SPOCK1: variants seen among roughly 807,000 people sequenced by gnomAD.
SPOCK1 encodes SPARC (osteonectin), cwcv and kazal like domains proteoglycan 1.
SPOCK1 carries 23 observed loss-of-function variants against 55.3 expected under a neutral mutation model. That is an observed-to-expected ratio of 0.42 (90% CI 0.30 to 0.59). The LOEUF (loss-of-function observed/expected upper bound fraction) is 0.59, where lower values mean the gene tolerates loss of function less well. SPOCK1 is among the 20% of genes least tolerant of loss of function. SPOCK1 has a pLI of 0.22. For missense variants in SPOCK1, 499 were observed against 552.5 expected, an observed-to-expected ratio of 0.90 and a Z score of 0.97; for synonymous variants, 226 against 221.0, an observed-to-expected ratio of 1.02 and a Z score of -0.20.
At chr5:137,442,654 C>T (rs1312785465) in intron 2 of SPOCK1, among the ~76,000 whole-genome samples, 1 of 152,188 alleles carries the variant, frequency 6.6e-6, no homozygotes, top group African/African-American at 2.4e-5. Context: ...ACAATTCTAA[C>T]ACCACTACCT....
At chr5:137,188,817 C>T (rs984309165) in intron 3 of SPOCK1, among the ~76,000 whole-genome samples, 23 of 152,330 alleles carry the variant, frequency 1.5e-4, no homozygotes, top group African/African-American at 5.3e-4. Flanking sequence ...TTGTGCCAAA[C>T]ATTTAGCCAA....
At chr5:137,157,605 A>G (rs1367427693) in intron 3 of SPOCK1, among the ~76,000 whole-genome samples, 1 of 152,142 alleles carries the variant, frequency 6.6e-6, no homozygotes, top group East Asian at 1.9e-4. Context: ...GCAAGTGAGG[A>G]AGGCTTCTAC....
intron 3 of SPOCK1, among the ~76,000 whole-genome samples, chr5:137,253,771 G>A (rs568770731): frequency 6.6e-6 from 1 of 152,214 alleles, no homozygotes; most frequent in African/African-American, 2.4e-5. Context: ...CTAATTCTAG[G>A]GCTACCCTAT....
At chr5:137,229,749 G>A (rs942647582) in intron 3 of SPOCK1, among the ~76,000 whole-genome samples, 1 of 152,152 alleles carries the variant, frequency 6.6e-6, no homozygotes, top group Non-Finnish European at 1.5e-5. Context: ...GGTGCACAGA[G>A]ATGGTTTCAG....
intron 4 of SPOCK1, among the ~76,000 whole-genome samples, chr5:137,138,704 C>G (rs983699058): frequency 4.7e-4 from 6 of 12,800 alleles, no homozygotes; most frequent in South Asian, 1.5e-3. Context: ...AATAATAACC[C>G]CCCCCCCCCA....
chr5:137,065,138 G>T (rs1561596294), intron 6 of SPOCK1, among the ~76,000 whole-genome samples: 1 of 145,064 alleles, frequency 6.9e-6, no homozygotes, highest in Non-Finnish European at 1.5e-5. Flanking sequence ...TGAGGCAGGG[G>T]AATTGCTTGA....
intron 6 of SPOCK1, among the ~76,000 whole-genome samples, chr5:137,028,067 T>C (rs906641946): frequency 6.6e-6 from 1 of 152,186 alleles, no homozygotes; most frequent in Non-Finnish European, 1.5e-5. Flanking sequence ...ATTTTCCACC[T>C]TGGGGTACCC....
chr5:137,160,593 A>ATTATATATTATATATTATATATAAT (rs1554100836), intron 3 of SPOCK1, among the ~76,000 whole-genome samples: 6 of 71,054 alleles, frequency 8.4e-5, no homozygotes, highest in African/African-American at 1.7e-4. Flanking sequence ...TATAATATAT[A>ATTATATATTATATATTATATATAAT]ATATATTATA....
At chr5:137,105,788 C>T (rs1753352537) in intron 5 of SPOCK1, among the ~76,000 whole-genome samples, 2 of 152,248 alleles carry the variant, frequency 1.3e-5, no homozygotes, top group Non-Finnish European at 2.9e-5. Flanking sequence ...CAGTTCTTAA[C>T]TCTGCGTCTC....
At chr5:137,172,726 C>A (rs899419539) in intron 3 of SPOCK1, among the ~76,000 whole-genome samples, 3 of 152,106 alleles carry the variant, frequency 2.0e-5, no homozygotes, top group African/African-American at 7.2e-5. Context: ...CCCAGGGACA[C>A]CCAATCTGTG....
At chr5:137,083,099 T>C (rs1477049151) in intron 5 of SPOCK1, among the ~76,000 whole-genome samples, 1 of 152,226 alleles carries the variant, frequency 6.6e-6, no homozygotes, top group Non-Finnish European at 1.5e-5. Flanking sequence ...ATGGTGCCTG[T>C]TGCAATATGT....
chr5:137,108,931 G>A (rs901937058), intron 5 of SPOCK1, among the ~76,000 whole-genome samples: 1 of 152,196 alleles, frequency 6.6e-6, no homozygotes, highest in African/African-American at 2.4e-5. Context: ...AAACTACCAA[G>A]AGGCTTTGAC....
intron 2 of SPOCK1, among the ~76,000 whole-genome samples, chr5:137,435,714 CTTCACCAA>C (rs1452873032): frequency 6.6e-6 from 1 of 152,094 alleles, no homozygotes; most frequent in Non-Finnish European, 1.5e-5. Context: ...ATCTTACTGC[CTTCACCAA>C]TTTTCCCACT....
intron 2 of SPOCK1, among the ~76,000 whole-genome samples, chr5:137,334,663 C>T (rs1230479052): frequency 1.3e-5 from 2 of 152,296 alleles, no homozygotes; most frequent in South Asian, 2.1e-4. Flanking sequence ...ATAACCCAGG[C>T]TCTAAGATGA....
At chr5:137,479,107 T>A (rs1324758453) in intron 2 of SPOCK1, among the ~76,000 whole-genome samples, 1 of 150,734 alleles carries the variant, frequency 6.6e-6, no homozygotes, top group Non-Finnish European at 1.5e-5. Context: ...GTATACTAGA[T>A]AGGAGAACTG....
At chr5:137,301,409 T>C (rs1406851581) in intron 2 of SPOCK1, among the ~76,000 whole-genome samples, 1 of 152,206 alleles carries the variant, frequency 6.6e-6, no homozygotes, top group African/African-American at 2.4e-5. Context: ...TTGGGCAGGA[T>C]GCAGGTAGTA....
chr5:137,238,326 C>T (rs904732338), intron 3 of SPOCK1, among the ~76,000 whole-genome samples: 13 of 152,326 alleles, frequency 8.5e-5, no homozygotes, highest in African/African-American at 2.9e-4. Context: ...CACTCACATA[C>T]ACACTGCAGT....
chr5:137,117,561 T>C (rs983838159), intron 4 of SPOCK1, among the ~76,000 whole-genome samples: 1 of 152,232 alleles, frequency 6.6e-6, no homozygotes, highest in Non-Finnish European at 1.5e-5. Flanking sequence ...ATGATCCTAC[T>C]CAGTCCATAA....
chr5:137,336,788 CT>C (rs1750290591), intron 2 of SPOCK1, among the ~76,000 whole-genome samples: 1 of 152,234 alleles, frequency 6.6e-6, no homozygotes, highest in Admixed American at 6.5e-5. Context: ...ATAGGAAATA[CT>C]TCCCTGGGCT....
Sources: gnomAD v4.1 joint callset for allele counts (sites outside exome capture counted in the v4.1 genomes callset) on GRCh38, gnomAD v4.1.1 for gene constraint, MANE v1.5 for transcripts, NCBI Gene and HGNC (gene_info 2026-07-23, HGNC 2026-07-21) for gene names.